The following RPAP2 variants were observed in gnomAD, a reference collection of about 807,000 sequenced individuals.
RPAP2 encodes the protein RNA polymerase II associated protein 2.
Under a neutral mutation model 73.1 loss-of-function variants are expected in RPAP2, and 52 were observed. That is an observed-to-expected ratio of 0.71 (90% confidence interval 0.57 to 0.90). RPAP2 has a LOEUF of 0.90. Ranked by LOEUF, RPAP2 falls within the 40% of genes least tolerant of loss-of-function variation. RPAP2 has a pLI of 0.00. For missense variants in RPAP2, 598 were observed against 701.8 expected (o/e 0.85, Z 1.67); for synonymous variants, 225 against 242.1 (o/e 0.93, Z 0.65).
chr1:92,305,858 C>T (rs959763400), intron 5 of RPAP2, among the ~76,000 whole-genome samples: 7 of 152,120 alleles, frequency 4.6e-5, no homozygotes, highest in African/African-American at 1.4e-4. Flanking sequence ...ATTGGTACAG[C>T]CTTTTTGAGA....
In RPAP2 at chr1:92,390,050, C is replaced by T. The variant is rs1655993858; in HGVS notation, c.*3039C>T. Reference sequence around the variant, plus strand: ...AATTCAGGAAATACAGAGAACACCACAAAGATACTCCTCAAGAAGAGCAAC... The same window carrying T: ...AATTCAGGAAATACAGAGAACACCATAAAGATACTCCTCAAGAAGAGCAAC... On this transcript the variant is annotated 3_prime_UTR_variant, in exon 13 of 13. Coordinates refer to ENST00000610020, the MANE Select transcript of RPAP2 (RefSeq NM_024813.3). 1 of 152,184 alleles carries T rather than the reference C, an allele frequency of 6.6e-6. No individual in the cohort carries two copies. Among genetic ancestry groups the T allele is most frequent in the Admixed American group, 6.5e-5 (1 of 15,280 alleles). 9.4% of individuals were successfully genotyped at this position (152,184 alleles called of 1,614,324 possible).
intron 6 of RPAP2, among the ~76,000 whole-genome samples, chr1:92,317,779 C>T (rs986085563): frequency 6.6e-6 from 1 of 152,066 alleles, no homozygotes; most frequent in African/African-American, 2.4e-5. Context: ...TTTAAAGATA[C>T]AATTTTCTTT....
chr1:92,377,588 G>C (rs1476760038), intron 11 of RPAP2, among the ~76,000 whole-genome samples: 1 of 152,076 alleles, frequency 6.6e-6, no homozygotes, highest in Non-Finnish European at 1.5e-5. Context: ...GTTAGACTGG[G>C]GGGGAACAGG....
chr1:92,397,157 GA>G lies in RPAP2; in HGVS notation c.*10147del, dbSNP rs1391890523. 1 of 152,224 alleles carries G rather than the reference GA, an allele frequency of 6.6e-6. No homozygotes were observed. The highest frequency in any genetic ancestry group is 2.4e-5 in the African/African-American group (1 of 41,438). The allele number at this position is 152,224 out of a possible 1,614,324, so 9.4% of individuals were successfully genotyped here. On this transcript the variant is annotated 3_prime_UTR_variant, in exon 13 of 13. Coordinates refer to ENST00000610020, the MANE Select transcript of RPAP2 (RefSeq NM_024813.3). The stretch of plus-strand genomic sequence containing the variant: ...TAATCCCAGCACTTTGGGAAGCCAA[GA>G]TGGGCTGATTGCTTGAGTCCAGGAG...
intron 8 of RPAP2, among the ~76,000 whole-genome samples, chr1:92,325,087 C>T (rs995408623): frequency 6.6e-6 from 1 of 152,004 alleles, no homozygotes; most frequent in African/African-American, 2.4e-5. Context: ...AAATAGTACC[C>T]ATATGTAGAG....
chr1:92,325,469 T>C (rs928597478), intron 8 of RPAP2, among the ~76,000 whole-genome samples: 2 of 152,138 alleles, frequency 1.3e-5, no homozygotes, highest in African/African-American at 4.8e-5. Flanking sequence ...TGCATAAACC[T>C]ACCATAGAAC....
intron 5 of RPAP2, among the ~76,000 whole-genome samples, chr1:92,306,849 A>G (rs1374117347): frequency 1.3e-5 from 2 of 152,224 alleles, no homozygotes; most frequent in Non-Finnish European, 2.9e-5. Context: ...AGAATGTATA[A>G]CAATATTATT....
At chr1:92,338,236 T>A (rs1173385632) in intron 10 of RPAP2, among the ~76,000 whole-genome samples, 2 of 152,190 alleles carry the variant, frequency 1.3e-5, no homozygotes, top group African/African-American at 4.8e-5. Flanking sequence ...TTACTAAGAT[T>A]TTTACCCTCA....
intron 11 of RPAP2, among the ~76,000 whole-genome samples, chr1:92,371,850 C>A (rs1254164756): frequency 6.8e-6 from 1 of 146,280 alleles, no homozygotes; most frequent in African/African-American, 2.5e-5. Flanking sequence ...TCCGATTGCA[C>A]CACTGCACTC....
intron 8 of RPAP2, among the ~76,000 whole-genome samples, chr1:92,325,165 G>A (rs1652553996): frequency 6.6e-6 from 1 of 152,130 alleles, no homozygotes; most frequent in South Asian, 2.1e-4. Flanking sequence ...TTTGATTGAT[G>A]TATACTCCCT....
chr1:92,343,783 CAT>C (rs1358871373), intron 10 of RPAP2, among the ~76,000 whole-genome samples: 5 of 152,060 alleles, frequency 3.3e-5, no homozygotes, highest in African/African-American at 1.2e-4. Context: ...AAAAGAAAAA[CAT>C]ATAGCAGAAT....
intron 11 of RPAP2, among the ~76,000 whole-genome samples, chr1:92,350,560 CTAAA>C (rs1197252427): frequency 6.6e-6 from 1 of 152,168 alleles, no homozygotes; most frequent in Non-Finnish European, 1.5e-5. Flanking sequence ...ATTTTCTTAA[CTAAA>C]TATGCCCTAT....
chr1:92,359,634 A>G (rs1031362750), intron 11 of RPAP2, among the ~76,000 whole-genome samples: 1 of 152,204 alleles, frequency 6.6e-6, no homozygotes, highest in African/African-American at 2.4e-5. Context: ...ACTTGGTTTT[A>G]TACCTGTTTT....
At chr1:92,353,582 T>A (rs1288514335) in intron 11 of RPAP2, among the ~76,000 whole-genome samples, 1 of 152,222 alleles carries the variant, frequency 6.6e-6, no homozygotes, top group East Asian at 1.9e-4. Context: ...GAACAGTAGC[T>A]ACTGGTATTC....
In RPAP2 at chr1:92,401,046, A is replaced by C. The variant is rs1250628595; in HGVS notation, c.*14035A>C. 6.6e-6 allele frequency: 1 copy of C among 152,214 alleles called. No homozygotes were observed. The highest frequency in any genetic ancestry group is 1.5e-5 in the Non-Finnish European group (1 of 68,058). 9.4% of individuals were successfully genotyped at this position (152,214 alleles called of 1,614,324 possible). A position where few individuals can be genotyped will look rare whatever the true frequency, so the allele number is the denominator to read the frequency against. On this transcript the variant is annotated 3_prime_UTR_variant, in exon 13 of 13. Transcript: ENST00000610020. ...GGGGCAAAGCCTCTATAAAGCCATCAGATCTCATGAGAACTCACTATCATG... is the reference window on the plus strand; with the variant it reads ...GGGGCAAAGCCTCTATAAAGCCATCCGATCTCATGAGAACTCACTATCATG...
Position 92,323,807 on chromosome 1 carries a change from A to G in RPAP2, c.887A>G (p.Asn296Ser), listed in dbSNP as rs1010036591. ...TGTGAACTTCCTTTACAGAAAGTAA[A>G]TACTCAGAGTTCTTCAAATAGCACT... ...ATCELPLQKV[N>S]TQSSSNSTLP... The change falls in exon 8 of 13, where the codon AAT becomes AGT. Residue 296 changes from asparagine (N) to serine (S), a missense_variant. This residue lies in a region of RPAP2 where 506 missense variants were observed against 612.8 expected (regional missense o/e 0.83). Transcript: ENST00000610020. 6.2e-7 allele frequency: 1 copy of G among 1,614,156 alleles called. No homozygotes were observed. The highest frequency in any genetic ancestry group is 1.1e-5 in the South Asian group (1 of 91,088).
At position 92,399,786 on chromosome 1, in the gene RPAP2, A is replaced by G. The variant is rs536086542; in HGVS notation, c.*12775A>G. ...AACACATTATCCATCTTTGGGGGGA[A>G]AAAATACACTAAATTTTAGACAGAG... On this transcript the variant is annotated 3_prime_UTR_variant, in exon 13 of 13. Transcript: ENST00000610020. 4 of 152,218 alleles carry G rather than the reference A, an allele frequency of 2.6e-5. No individual in the cohort carries two copies. Among genetic ancestry groups the G allele is most frequent in the African/African-American group, 9.6e-5 (4 of 41,506 alleles). The allele number at this position is 152,218 out of a possible 1,614,324, so 9.4% of individuals were successfully genotyped here.
chr1:92,370,431 A>G (rs944537755), intron 11 of RPAP2, among the ~76,000 whole-genome samples: 8 of 152,222 alleles, frequency 5.3e-5, no homozygotes, highest in Admixed American at 4.6e-4. Flanking sequence ...AAGAATATGA[A>G]GGAATAACTT....
At chr1:92,382,697 A>C (rs1490053536) in intron 12 of RPAP2, among the ~76,000 whole-genome samples, 1 of 152,086 alleles carries the variant, frequency 6.6e-6, no homozygotes, top group Non-Finnish European at 1.5e-5. Flanking sequence ...AGGTTGCAAA[A>C]ATTTTCTCCC....
Sources: gnomAD v4.1 joint callset for allele counts (sites outside exome capture counted in the v4.1 genomes callset) on GRCh38, gnomAD v4.1.1 for gene constraint, gnomAD v4.1.1 regional missense constraint, MANE v1.5 for transcripts, NCBI Gene and HGNC (gene_info 2026-07-23, HGNC 2026-07-21) for gene names.